TRIM55: variants seen among roughly 807,000 people sequenced by gnomAD.
TRIM55 encodes the protein tripartite motif-containing protein 55.
A neutral mutation model predicts 60.9 loss-of-function variants in TRIM55; 50 were observed. The observed-to-expected ratio is 0.82, with a 90% CI of 0.65 to 1.04. TRIM55 has a LOEUF of 1.04. TRIM55 is among the 50% of genes least tolerant of loss of function. The pLI is 0.00. For synonymous variants in TRIM55, 237 were observed against 238.1 expected, an observed-to-expected ratio of 1.00 and a Z score of 0.04; for missense variants, 681 against 666.9, an observed-to-expected ratio of 1.02 and a Z score of -0.23.
intron 9 of TRIM55, among the ~76,000 whole-genome samples, chr8:66,174,170 T>TAA (rs59239417): frequency 7.1e-5 from 10 of 141,478 alleles, no homozygotes; most frequent in Non-Finnish European, 6.2e-5. Flanking sequence ...CAAGTGGACT[T>TAA]AAAAAAAAAA....
At chr8:66,122,694 T>G (rs1808679075), upstream of TRIM55, among the ~76,000 whole-genome samples, 1 of 152,130 alleles carries the variant, frequency 6.6e-6, no homozygotes, top group African/African-American at 2.4e-5. Flanking sequence ...AAAAACTAGT[T>G]CAGGCCATTA....
the TRIM55 span, among the ~76,000 whole-genome samples, chr8:66,118,761 G>C: frequency 7.2e-5 from 11 of 152,184 alleles, no homozygotes; most frequent in African/African-American, 1.2e-4. Context: ...GGTTATATCT[G>C]GCAGGACTGA....
the TRIM55 span, among the ~76,000 whole-genome samples, chr8:66,116,220 G>A: frequency 2.0e-5 from 3 of 152,202 alleles, no homozygotes; most frequent in Middle Eastern, 3.4e-3. Context: ...TATTTATTAA[G>A]AACTTATATT....
chr8:66,133,241 T>C (rs1381002669), intron 2 of TRIM55, among the ~76,000 whole-genome samples: 2 of 152,222 alleles, frequency 1.3e-5, no homozygotes, highest in East Asian at 1.9e-4. Context: ...ATATTTGCCA[T>C]GCCTTCTCCA....
At chr8:66,118,837 G>A in the TRIM55 span, among the ~76,000 whole-genome samples, 7 of 152,274 alleles carry the variant, frequency 4.6e-5, no homozygotes, top group Non-Finnish European at 8.8e-5. Flanking sequence ...CCTTCTCTCC[G>A]CTGCTCATGA....
At chr8:66,132,189 G>C (rs946657807) in intron 2 of TRIM55, among the ~76,000 whole-genome samples, 2 of 152,272 alleles carry the variant, frequency 1.3e-5, no homozygotes, top group South Asian at 4.1e-4. Flanking sequence ...AGTGGCTCAC[G>C]CCTATAATCC....
chr8:66,130,973 T>C (rs1323305726), intron 2 of TRIM55, among the ~76,000 whole-genome samples: 1 of 152,016 alleles, frequency 6.6e-6, no homozygotes, highest in Non-Finnish European at 1.5e-5. Context: ...AACTTGGCAT[T>C]CTTATCCAGA....
chr8:66,147,515 C>T (rs946160449), intron 4 of TRIM55, among the ~76,000 whole-genome samples: 2 of 151,962 alleles, frequency 1.3e-5, no homozygotes, highest in Non-Finnish European at 2.9e-5. Flanking sequence ...AAATCTATTC[C>T]GCCAGGATTG....
chr8:66,131,319 C>G (rs930795493), intron 2 of TRIM55, among the ~76,000 whole-genome samples: 1 of 152,224 alleles, frequency 6.6e-6, no homozygotes, highest in African/African-American at 2.4e-5. Flanking sequence ...ACTCTGTTCT[C>G]TCTTTACCCA....
rs146821160 is a variant in TRIM55 at position 66,174,558 on chromosome 8, T to G, written c.1612T>G (p.Phe538Val). Residue 538 changes from phenylalanine (F) to valine (V), a missense_variant, in exon 10 of 10, where the codon TTC becomes GTC. Physicochemically the swap from Phe to Val is conservative, Grantham distance 50. Transcript: ENST00000315962. ...GADSEPARHIFSFSWLNSLNE is the reference protein window; with the variant it reads ...GADSEPARHIVSFSWLNSLNE ...TGATTCTGAGCCAGCTCGCCATATC[T>G]TCTCCTTTTCCTGGTTGAACTCCCT... 20 of 1,607,268 alleles carry G rather than the reference T, an allele frequency of 1.2e-5. 1 individual carries two copies. In the African/African-American group the frequency reaches 2.7e-4, roughly 22 times the overall value.
chr8:66,128,545 G>C, intron 2 of TRIM55, 69 bp downstream of exon 2: 1 of 1,509,624 alleles, frequency 6.6e-7, no homozygotes, highest in Non-Finnish European at 9.0e-7. Context: ...TGTTTTAATG[G>C]GTTGCTACGC....
intron 4 of TRIM55, among the ~76,000 whole-genome samples, chr8:66,143,753 G>C (rs954014820): frequency 6.6e-6 from 1 of 151,748 alleles, no homozygotes; most frequent in African/African-American, 2.4e-5. Context: ...ATTTCTCGAG[G>C]GTGCATTGTG....
chr8:66,169,439 C>T (rs1432938693), intron 9 of TRIM55, among the ~76,000 whole-genome samples: 1 of 152,182 alleles, frequency 6.6e-6, no homozygotes, highest in African/African-American at 2.4e-5. Flanking sequence ...AAAAATCACT[C>T]ATCACATTTA....
intron 9 of TRIM55, among the ~76,000 whole-genome samples, chr8:66,155,467 C>T (rs1190714954): frequency 6.6e-6 from 1 of 152,170 alleles, no homozygotes; most frequent in Non-Finnish European, 1.5e-5. Context: ...GTAGTAGAAG[C>T]TGTGTGCGGA....
intron 9 of TRIM55, among the ~76,000 whole-genome samples, chr8:66,173,260 G>C (rs1811743963): frequency 1.3e-5 from 2 of 152,124 alleles, no homozygotes; most frequent in South Asian, 4.1e-4. Context: ...CTATCAGGAA[G>C]CAATGTGGCA....
chr8:66,118,147 G>A, the TRIM55 span, among the ~76,000 whole-genome samples: 2 of 124,660 alleles, frequency 1.6e-5, no homozygotes, highest in South Asian at 5.1e-4. Flanking sequence ...CCAGCCTGGG[G>A]GACAGAGCGA....
At chr8:66,114,301 C>T in the TRIM55 span, among the ~76,000 whole-genome samples, 1 of 152,160 alleles carries the variant, frequency 6.6e-6, no homozygotes, top group African/African-American at 2.4e-5. Flanking sequence ...TTTCGATTCT[C>T]AGCCCAAACT....
chr8:66,154,486 G>T (rs1018675658), intron 9 of TRIM55, 152 bp downstream of exon 9: 11 of 878,400 alleles, frequency 1.3e-5, no homozygotes, highest in Admixed American at 8.7e-5. Flanking sequence ...CCCAATGTTG[G>T]CTTGTTTTGA....
the TRIM55 span, among the ~76,000 whole-genome samples, chr8:66,114,220 T>C: frequency 6.6e-6 from 1 of 152,042 alleles, no homozygotes; most frequent in East Asian, 1.9e-4. Flanking sequence ...GAGCGCTCGC[T>C]TAGCATGCGA....
Sources: gnomAD v4.1 joint callset for allele counts (sites outside exome capture counted in the v4.1 genomes callset) on GRCh38, gnomAD v4.1.1 for gene constraint, MANE v1.5 for transcripts, NCBI Gene and HGNC (gene_info 2026-07-23, HGNC 2026-07-21) for gene names.